The following DENND5B variants were observed in gnomAD, a reference collection of about 807,000 sequenced individuals.
DENND5B encodes the protein DENN domain-containing protein 5B.
A neutral mutation model predicts 140.6 loss-of-function variants in DENND5B; 34 were observed. The observed-to-expected ratio is 0.24, with a 90% CI of 0.18 to 0.32. The LOEUF (loss-of-function observed/expected upper bound fraction) is 0.32, where lower values mean the gene tolerates loss of function less well. Ranked by LOEUF, DENND5B falls within the 10% of genes least tolerant of loss-of-function variation. The pLI, the probability that DENND5B is intolerant of heterozygous loss-of-function variation, is 1.00. For missense variants in DENND5B, 1,142 were observed against 1,560.2 expected (o/e 0.73, Z 4.52); for synonymous variants, 551 against 562.1 (o/e 0.98, Z 0.28).
At chr12:31,456,481 A>T (rs1414168578) in intron 4 of DENND5B, among the ~76,000 whole-genome samples, 1 of 152,150 alleles carries the variant, frequency 6.6e-6, no homozygotes, top group Non-Finnish European at 1.5e-5. Flanking sequence ...CCTCTTACTG[A>T]CTTACTTTTT....
chr12:31,563,123 C>G (rs1949530791), intron 1 of DENND5B, among the ~76,000 whole-genome samples: 2 of 152,134 alleles, frequency 1.3e-5, no homozygotes, highest in Non-Finnish European at 2.9e-5. Context: ...CTGGGAAGCA[C>G]TGACCCTGGG....
At chr12:31,536,364 CAA>C (rs1565673807) in intron 1 of DENND5B, among the ~76,000 whole-genome samples, 1 of 151,940 alleles carries the variant, frequency 6.6e-6, no homozygotes, top group African/African-American at 2.4e-5. Context: ...AAAAATTTAA[CAA>C]AGAGATTTAA....
intron 1 of DENND5B, among the ~76,000 whole-genome samples, chr12:31,563,645 T>A (rs1049849925): frequency 6.6e-6 from 1 of 152,218 alleles, no homozygotes; most frequent in South Asian, 2.1e-4. Context: ...ATCAATGATC[T>A]GAAGATAATT....
At chr12:31,505,394 G>A (rs1947161041) in intron 1 of DENND5B, among the ~76,000 whole-genome samples, 1 of 151,780 alleles carries the variant, frequency 6.6e-6, no homozygotes, top group Non-Finnish European at 1.5e-5. Flanking sequence ...GTGCTACCAT[G>A]CCCAGCTAAT....
chr12:31,454,526 C>T (rs1333820867), intron 4 of DENND5B, among the ~76,000 whole-genome samples: 1 of 152,050 alleles, frequency 6.6e-6, no homozygotes, highest in African/African-American at 2.4e-5. Flanking sequence ...TCACTGCAAA[C>T]TCTGCCTCCT....
rs565917173 is a variant in DENND5B, at chr12:31,577,554, A to G, written c.127+13152T>C. Among the ~76,000 whole-genome samples the G allele has an allele frequency of 7.9e-5, 12 of 151,894 alleles. 1 individual carries two copies. The East Asian group carries it at 1.6e-3, about 20-fold the overall frequency. On this transcript the variant is annotated intron_variant, in intron 1 of 20. Transcript: ENST00000389082. ...TGAAACCCCGTCTCTACTAAAAAAT[A>G]CAAAAAATTAGCCAGGCGTGGTGGC...
chr12:31,521,335 A>AGAGAC (rs1947877476), intron 1 of DENND5B, among the ~76,000 whole-genome samples: 1 of 147,616 alleles, frequency 6.8e-6, no homozygotes, highest in African/African-American at 2.5e-5. Context: ...TTTAATATTT[A>AGAGAC]GAGACAGCGT....
chr12:31,475,477 G>A (rs1421203326), intron 3 of DENND5B, among the ~76,000 whole-genome samples: 1 of 152,194 alleles, frequency 6.6e-6, no homozygotes, highest in Non-Finnish European at 1.5e-5. Context: ...AAGCTAAGCA[G>A]TGGCTCACAC....
chr12:31,526,970 T>C (rs529287315), intron 1 of DENND5B, among the ~76,000 whole-genome samples: 2 of 152,348 alleles, frequency 1.3e-5, no homozygotes, highest in South Asian at 2.1e-4. Flanking sequence ...GTGCCTGCTA[T>C]GAACATAACA....
At chr12:31,467,571 C>T (rs1215095924) in intron 3 of DENND5B, among the ~76,000 whole-genome samples, 1 of 152,090 alleles carries the variant, frequency 6.6e-6, no homozygotes, top group African/African-American at 2.4e-5. Flanking sequence ...CCCAGGAGTT[C>T]AGTCGCATCA....
intron 4 of DENND5B, among the ~76,000 whole-genome samples, chr12:31,453,498 G>A (rs1359511165): frequency 6.6e-6 from 1 of 152,138 alleles, no homozygotes; most frequent in Non-Finnish European, 1.5e-5. Flanking sequence ...TCTTAATCAG[G>A]ACAAGGTTGT....
intron 1 of DENND5B, among the ~76,000 whole-genome samples, chr12:31,552,126 C>A (rs1381729951): frequency 6.6e-6 from 1 of 152,200 alleles, no homozygotes; most frequent in Non-Finnish European, 1.5e-5. Context: ...TGAGAGAGGG[C>A]ATCCCTGTCT....
intron 1 of DENND5B, among the ~76,000 whole-genome samples, chr12:31,567,317 CA>C (rs113948267): frequency 9.1e-4 from 129 of 142,370 alleles, no homozygotes; most frequent in Non-Finnish European, 9.1e-4. Flanking sequence ...GACCTTGTCT[CA>C]AAAAAAAAAA....
rs1943122523 is a variant in DENND5B at position 31,423,695 on chromosome 12, A to G, written c.2392-20T>C. 6.2e-7 allele frequency: 1 copy of G among 1,603,932 alleles called. No individual in the cohort carries two copies. ...CTTCCCCTGAAAGTACAAGATGTGTAAAAATTTCATAAGAAATAATTCATC... is the reference window on the plus strand; with the variant it reads ...CTTCCCCTGAAAGTACAAGATGTGTGAAAATTTCATAAGAAATAATTCATC... On this transcript the variant is annotated intron_variant, in intron 10 of 20. Transcript: ENST00000389082.
intron 1 of DENND5B, among the ~76,000 whole-genome samples, chr12:31,507,782 TAATA>T (rs1947260804): frequency 6.6e-6 from 1 of 152,198 alleles, no homozygotes; most frequent in African/African-American, 2.4e-5. Flanking sequence ...GATTTTCAAA[TAATA>T]AATACAGCCA....
chr12:31,507,570 A>T (rs180779257), intron 1 of DENND5B, among the ~76,000 whole-genome samples: 129 of 152,326 alleles, frequency 8.5e-4, no homozygotes, highest in African/African-American at 2.9e-3. Context: ...AGGAATAAAC[A>T]AAGTTTTTGA....
intron 6 of DENND5B, among the ~76,000 whole-genome samples, chr12:31,446,895 AAAAAAGAAAAAG>A (rs546368170): frequency 2.2e-4 from 33 of 151,740 alleles, no homozygotes; most frequent in East Asian, 9.7e-4. Flanking sequence ...TCAAAAAAAA[AAAAAAGAAAAAG>A]AAAAAGAAAA....
intron 11 of DENND5B, among the ~76,000 whole-genome samples, chr12:31,417,625 A>G (rs1265972467): frequency 1.3e-5 from 2 of 152,120 alleles, no homozygotes; most frequent in Non-Finnish European, 2.9e-5. Context: ...TATTTTTTGT[A>G]GAGACGGGGT....
intron 7 of DENND5B, among the ~76,000 whole-genome samples, chr12:31,439,486 C>T (rs865896919): frequency 6.6e-6 from 1 of 150,644 alleles, no homozygotes; most frequent in Non-Finnish European, 1.5e-5. Context: ...TATTAGGTTC[C>T]TTTTTTTTTT....
Sources: allele counts gnomAD v4.1 joint callset (sites outside exome capture counted in the v4.1 genomes callset), GRCh38; gene constraint gnomAD v4.1.1; transcripts MANE v1.5; gene names NCBI Gene and HGNC (gene_info 2026-07-23, HGNC 2026-07-21).